Variants in ITPRID1 observed in about 807,000 individuals in gnomAD.
ITPRID1 encodes the protein ITPR interacting domain containing 1.
A neutral mutation model predicts 95.4 loss-of-function variants in ITPRID1; 96 were observed. The ratio of observed to expected loss-of-function variants is 1.01; its 90% CI spans 0.85 to 1.19. The LOEUF (loss-of-function observed/expected upper bound fraction) is 1.19, where lower values mean the gene tolerates loss of function less well. Ranked by LOEUF, ITPRID1 falls within the 50% of genes most tolerant of loss-of-function variation. The pLI, the probability that ITPRID1 is intolerant of heterozygous loss-of-function variation, is 0.00. For synonymous variants in ITPRID1, 510 were observed against 453.6 expected (o/e 1.12, Z -1.58); for missense variants, 1,339 against 1,252.9 (o/e 1.07, Z -1.04).
intron 5 of ITPRID1, among the ~76,000 whole-genome samples, chr7:31,557,386 C>G (rs1007454731): frequency 6.6e-6 from 1 of 152,084 alleles, no homozygotes; most frequent in Non-Finnish European, 1.5e-5. Flanking sequence ...GCCCAAATAA[C>G]ATAGATAGTT....
chr7:31,563,514 G>T (rs1000696500), intron 5 of ITPRID1, among the ~76,000 whole-genome samples: 16 of 152,106 alleles, frequency 1.1e-4, no homozygotes, highest in African/African-American at 3.9e-4. Context: ...CCCTATCTTT[G>T]TTCACCTGAA....
chr7:31,536,992 GC>G (rs1269669844), intron 1 of ITPRID1, among the ~76,000 whole-genome samples: 1 of 152,126 alleles, frequency 6.6e-6, no homozygotes, highest in African/African-American at 2.4e-5. Flanking sequence ...AGCAGATTTT[GC>G]ATGCCTGAGC....
At chr7:31,545,449 GA>G (rs894759941) in intron 1 of ITPRID1, among the ~76,000 whole-genome samples, 8 of 151,014 alleles carry the variant, frequency 5.3e-5, no homozygotes, top group South Asian at 2.1e-4. Context: ...AATCATGGAG[GA>G]AAAAAAAATC....
At chr7:31,549,810 G>C (rs1488005823) in intron 2 of ITPRID1, among the ~76,000 whole-genome samples, 1 of 152,128 alleles carries the variant, frequency 6.6e-6, no homozygotes, top group African/African-American at 2.4e-5. Context: ...GGGGAACAGA[G>C]ATTAAATAAA....
chr7:31,562,811 GTCTT>G (rs747423983), intron 5 of ITPRID1, among the ~76,000 whole-genome samples: 10 of 151,894 alleles, frequency 6.6e-5, no homozygotes, highest in Non-Finnish European at 1.0e-4. Context: ...CTGTCTTAAA[GTCTT>G]TCTTTCTGTT....
intron 1 of ITPRID1, among the ~76,000 whole-genome samples, chr7:31,522,338 T>C (rs1410334391): frequency 6.6e-6 from 1 of 152,194 alleles, no homozygotes; most frequent in Non-Finnish European, 1.5e-5. Context: ...TCTTGTAGAC[T>C]AAGATTGCAG....
chr7:31,560,049 G>A (rs1368310837), intron 5 of ITPRID1, among the ~76,000 whole-genome samples: 1 of 152,216 alleles, frequency 6.6e-6, no homozygotes, highest in East Asian at 1.9e-4. Flanking sequence ...TAATATGCTA[G>A]GAGGATGGAT....
At chr7:31,529,026 C>T (rs142405915) in intron 1 of ITPRID1, among the ~76,000 whole-genome samples, 253 of 152,242 alleles carry the variant, frequency 1.7e-3, no homozygotes, top group African/African-American at 5.8e-3. Flanking sequence ...CAGTAGTGTG[C>T]CTACTCATCT....
chr7:31,651,668 A>T (rs1443724938), intron 13 of ITPRID1, among the ~76,000 whole-genome samples: 1 of 152,000 alleles, frequency 6.6e-6, no homozygotes, highest in Non-Finnish European at 1.5e-5. Context: ...GTGTTTTAAA[A>T]CTGAATAGTG....
At chr7:31,550,102 G>T (rs1784231441) in intron 2 of ITPRID1, among the ~76,000 whole-genome samples, 1 of 151,396 alleles carries the variant, frequency 6.6e-6, no homozygotes, top group South Asian at 2.1e-4. Context: ...TTTAAACCTT[G>T]ATAACATTTT....
At chr7:31,570,548 G>T (rs531063144) in intron 6 of ITPRID1, among the ~76,000 whole-genome samples, 1 of 152,286 alleles carries the variant, frequency 6.6e-6, no homozygotes, top group Admixed American at 6.5e-5. Context: ...TCCCCCTGCT[G>T]CTACCAATTC....
chr7:31,615,875 T>A (rs2128168029), intron 10 of ITPRID1, among the ~76,000 whole-genome samples: 1 of 151,568 alleles, frequency 6.6e-6, no homozygotes, highest in South Asian at 2.1e-4. Flanking sequence ...TGCCTCAGCC[T>A]CCCGAGTACC....
intron 10 of ITPRID1, among the ~76,000 whole-genome samples, chr7:31,601,677 A>G (rs1218454192): frequency 3.3e-5 from 5 of 152,176 alleles, no homozygotes; most frequent in Non-Finnish European, 7.3e-5. Flanking sequence ...CTCCGTGATG[A>G]TGCAGGTTGC....
intron 10 of ITPRID1, among the ~76,000 whole-genome samples, chr7:31,634,876 C>A (rs796316188): frequency 6.6e-6 from 1 of 152,126 alleles, no homozygotes; most frequent in Non-Finnish European, 1.5e-5. Context: ...GTGGCTCCTT[C>A]GGCATATTGA....
chr7:31,628,096 A>T (rs1411876358), intron 10 of ITPRID1, among the ~76,000 whole-genome samples: 1 of 152,220 alleles, frequency 6.6e-6, no homozygotes, highest in East Asian at 1.9e-4. Context: ...TGAAAGTTGG[A>T]GCCTGAGAAG....
chr7:31,640,417 T>C (rs1178094983), intron 10 of ITPRID1, among the ~76,000 whole-genome samples: 2 of 152,214 alleles, frequency 1.3e-5, no homozygotes, highest in Non-Finnish European at 2.9e-5. Flanking sequence ...CTTCCTCTCC[T>C]CTGTGTGCCC....
intron 10 of ITPRID1, among the ~76,000 whole-genome samples, chr7:31,597,342 A>G (rs933391485): frequency 2.0e-5 from 3 of 152,058 alleles, no homozygotes; most frequent in African/African-American, 7.2e-5. Context: ...ACTTTTGCAG[A>G]CAAGATAACT....
chr7:31,539,981 G>T (rs889168335), intron 1 of ITPRID1, among the ~76,000 whole-genome samples: 2 of 152,180 alleles, frequency 1.3e-5, no homozygotes, highest in African/African-American at 4.8e-5. Context: ...CCATTAGGCT[G>T]ATGCCCTTTG....
At chr7:31,527,468 A>G (rs1783457038) in intron 1 of ITPRID1, among the ~76,000 whole-genome samples, 1 of 124,426 alleles carries the variant, frequency 8.0e-6, no homozygotes, top group Non-Finnish European at 1.8e-5. Context: ...ATAGGTTATA[A>G]GAATGATTTA....
Sources: allele counts gnomAD v4.1 joint callset (sites outside exome capture counted in the v4.1 genomes callset), GRCh38; gene constraint gnomAD v4.1.1; transcripts MANE v1.5; gene names NCBI Gene and HGNC (gene_info 2026-07-23, HGNC 2026-07-21).